The following PTPN3 variants were observed in gnomAD, a reference collection of about 807,000 sequenced individuals.
The protein encoded by PTPN3 is protein tyrosine phosphatase non-receptor type 3.
Under a neutral mutation model 132.7 loss-of-function variants are expected in PTPN3, and 96 were observed. The ratio of observed to expected loss-of-function variants is 0.72; its 90% confidence interval spans 0.61 to 0.86. The LOEUF (loss-of-function observed/expected upper bound fraction) is 0.86, where lower values mean the gene tolerates loss of function less well. Among genes scored for constraint, PTPN3 ranks in the 40% least tolerant of loss-of-function variants. The pLI is 0.00. For synonymous variants in PTPN3, 398 were observed against 429.0 expected (o/e 0.93, Z 0.89); for missense variants, 1,125 against 1,159.6 (o/e 0.97, Z 0.43).
the PTPN3 span, chr9:109,533,873 C>T: frequency 1.3e-6 from 1 of 772,340 alleles, no homozygotes; most frequent in Non-Finnish European, 2.3e-6. Context: ...GGGTGGAGGA[C>T]CCCTACGACG....
In PTPN3 at chr9:109,402,558, T is replaced by C. The variant is rs534242943; in HGVS notation, c.1953+1890A>G. Among the ~76,000 whole-genome samples the C allele has an allele frequency of 3.4e-4, 51 of 152,160 alleles. 3 individuals carry two copies. In the South Asian group the frequency reaches 8.7e-3, roughly 26 times the overall value. Reference sequence around the variant, plus strand: ...CCTCCTTAAGTGCTGGGATTATAGGTGTGAGCCACTGCACCCAGCCTACAT... The same window carrying C: ...CCTCCTTAAGTGCTGGGATTATAGGCGTGAGCCACTGCACCCAGCCTACAT... On this transcript the variant is annotated intron_variant, in intron 19 of 25. Coordinates refer to ENST00000374541, the MANE Select transcript of PTPN3 (RefSeq NM_002829.4).
the PTPN3 span, among the ~76,000 whole-genome samples, chr9:109,534,925 T>C: frequency 6.6e-6 from 1 of 152,358 alleles, no homozygotes; most frequent in Non-Finnish European, 1.5e-5. Flanking sequence ...TCATAGCTCT[T>C]TTTCTAAACC....
chr9:109,441,711 T>A (rs1400122733), intron 7 of PTPN3, among the ~76,000 whole-genome samples: 1 of 152,000 alleles, frequency 6.6e-6, no homozygotes, highest in African/African-American at 2.4e-5. Context: ...CAATTTTCCA[T>A]CATTGTATAT....
intron 12 of PTPN3, 57 bp downstream of exon 12, chr9:109,426,893 A>C (rs1229411361): frequency 2.6e-6 from 4 of 1,511,578 alleles, no homozygotes; most frequent in Non-Finnish European, 3.6e-6. Flanking sequence ...TTCACTGATG[A>C]CCAGGATGCA....
chr9:109,387,610 C>CT (rs1839702443), intron 22 of PTPN3, among the ~76,000 whole-genome samples: 1 of 152,136 alleles, frequency 6.6e-6, no homozygotes, highest in African/African-American at 2.4e-5. Context: ...AAAAGACAGG[C>CT]ATTACCACCT....
chr9:109,535,568 C>T, the PTPN3 span, among the ~76,000 whole-genome samples: 2 of 151,932 alleles, frequency 1.3e-5, no homozygotes, highest in South Asian at 4.2e-4. Context: ...AGTGTAATCA[C>T]GTGATCTCAG....
the PTPN3 span, among the ~76,000 whole-genome samples, chr9:109,507,075 C>G: frequency 6.6e-6 from 1 of 152,186 alleles, no homozygotes; most frequent in Non-Finnish European, 1.5e-5. Context: ...AGCCAAGGCT[C>G]TACGACCAGG....
At chr9:109,479,149 T>C (rs1010936203) in intron 1 of PTPN3, among the ~76,000 whole-genome samples, 7 of 152,140 alleles carry the variant, frequency 4.6e-5, no homozygotes, top group African/African-American at 1.7e-4. Context: ...TTTTTCATCA[T>C]CCCAAACAGA....
At chr9:109,459,872 T>G (rs1396284078) in intron 2 of PTPN3, among the ~76,000 whole-genome samples, 1 of 152,116 alleles carries the variant, frequency 6.6e-6, no homozygotes, top group Non-Finnish European at 1.5e-5. Flanking sequence ...CTTTAGTGCC[T>G]GCTCCTCACC....
intron 19 of PTPN3, among the ~76,000 whole-genome samples, chr9:109,403,957 C>A (rs969933737): frequency 6.6e-6 from 1 of 152,140 alleles, no homozygotes; most frequent in Non-Finnish European, 1.5e-5. Flanking sequence ...AGACACTATG[C>A]CCTCATGGGA....
At chr9:109,449,107 G>T (rs1845062852) in intron 5 of PTPN3, 2 of 1,321,928 alleles carry the variant, frequency 1.5e-6, no homozygotes, top group East Asian at 3.3e-5. Context: ...GTCCTATGAA[G>T]AGCTGAGCAG....
chr9:109,505,959 G>A, the PTPN3 span, among the ~76,000 whole-genome samples: 1 of 151,810 alleles, frequency 6.6e-6, no homozygotes, highest in Admixed American at 6.6e-5. Flanking sequence ...CACCGTGTTA[G>A]CCAGGATGGT....
the PTPN3 span, among the ~76,000 whole-genome samples, chr9:109,508,382 A>C: frequency 1.3e-5 from 2 of 151,970 alleles, no homozygotes; most frequent in Non-Finnish European, 2.9e-5. Flanking sequence ...GGATGGTCTC[A>C]ATCTCCTGAC....
intron 14 of PTPN3, among the ~76,000 whole-genome samples, chr9:109,418,760 T>C (rs1232057030): frequency 1.3e-5 from 2 of 152,202 alleles, no homozygotes; most frequent in Non-Finnish European, 2.9e-5. Flanking sequence ...TTTATTATTT[T>C]AATTAATTTA....
intron 2 of PTPN3, among the ~76,000 whole-genome samples, chr9:109,461,305 C>T (rs1347190428): frequency 6.6e-6 from 1 of 152,180 alleles, no homozygotes; most frequent in East Asian, 1.9e-4. Flanking sequence ...CCACAGAGAG[C>T]AAGTTTCAAA....
chr9:109,382,862 G>C (rs992101902), intron 23 of PTPN3, among the ~76,000 whole-genome samples: 1 of 150,972 alleles, frequency 6.6e-6, no homozygotes, highest in Non-Finnish European at 1.5e-5. Context: ...CAATGTTGTA[G>C]AGCCATCAGC....
Position 109,463,292 on chromosome 9 carries a change from C to G in PTPN3, c.138+5G>C. The G allele has an allele frequency of 6.4e-7, 1 of 1,557,298 alleles. No individual in the cohort carries two copies. The highest frequency in any genetic ancestry group is 8.7e-7 in the Non-Finnish European group (1 of 1,155,958). On this transcript the variant is annotated splice_donor_5th_base_variant and intron_variant, in intron 2 of 25. Coordinates refer to ENST00000374541, the MANE Select transcript of PTPN3 (RefSeq NM_002829.4). ...AAAAGTAAAAAAAAAAAGTAGAGAACTTACAGTAACTTTAAAGGTCTGTAC... is the reference window on the plus strand; with the variant it reads ...AAAAGTAAAAAAAAAAAGTAGAGAAGTTACAGTAACTTTAAAGGTCTGTAC...
intron 2 of PTPN3, among the ~76,000 whole-genome samples, chr9:109,458,298 C>G (rs1020947065): frequency 3.3e-5 from 5 of 152,124 alleles, no homozygotes; most frequent in African/African-American, 1.2e-4. Flanking sequence ...TCCAGGCACA[C>G]GAGCTAAAAA....
At chr9:109,409,203 T>C (rs1841875670) in intron 16 of PTPN3, among the ~76,000 whole-genome samples, 1 of 152,106 alleles carries the variant, frequency 6.6e-6, no homozygotes, top group East Asian at 1.9e-4. Context: ...GGATTTGGCC[T>C]GTGGGTTTAG....
Sources: gnomAD v4.1 joint callset for allele counts (sites outside exome capture counted in the v4.1 genomes callset) on GRCh38, gnomAD v4.1.1 for gene constraint, MANE v1.5 for transcripts, NCBI Gene and HGNC (gene_info 2026-07-23, HGNC 2026-07-21) for gene names.